TMEM185A: variants seen among roughly 807,000 people sequenced by gnomAD.
TMEM185A encodes family with sequence similarity 11, member A.
TMEM185A carries 9 observed loss-of-function variants against 25.0 expected under a neutral mutation model. That is an observed-to-expected ratio of 0.36 (90% CI 0.22 to 0.63). The LOEUF (loss-of-function observed/expected upper bound fraction) is 0.63. Among genes scored for constraint, TMEM185A ranks in the 20% least tolerant of loss-of-function variants. The probability of loss-of-function intolerance (pLI) is 0.68; values close to 1 mark genes in which losing one functional copy is unlikely to be tolerated. For missense variants in TMEM185A, 103 were observed against 237.4 expected (o/e 0.43, Z 3.72); for synonymous variants, 45 against 93.5 (o/e 0.48, Z 2.99).
chrX:149,606,195 A>G (rs1557353461), intron 3 of TMEM185A, among the ~76,000 whole-genome samples: 1 of 111,902 alleles, frequency 8.9e-6, no homozygotes, highest in Non-Finnish European at 1.9e-5. Context: ...AGGTGCTCCC[A>G]CTCGTTACCT....
rs1210075716 is a variant in TMEM185A, at chrX:149,631,732, C to CCGT, written c.-155_-153dup. On this transcript the variant is annotated 5_prime_UTR_variant, in exon 1 of 7. Coordinates refer to ENST00000600449, the MANE Select transcript of TMEM185A (RefSeq NM_032508.4). ...GCCGTCCCCGCTGCCGTCGCCGTCG[C>CCGT]CGTCGCCGCCGCCGCCGCCGCCGCC... is the stretch of plus-strand genomic sequence containing the variant. The CCGT allele has an allele frequency of 1.3e-3, 521 of 397,236 alleles. 1 individual carries two copies. The highest frequency in any genetic ancestry group is 1.6e-3 in the Non-Finnish European group (458 of 281,079). The allele number at this position is 397,236 out of a possible 1,213,427, so 32.7% of individuals were successfully genotyped here.
chrX:149,611,998 C>T (rs1557354563), intron 1 of TMEM185A, among the ~76,000 whole-genome samples: 1 of 112,422 alleles, frequency 8.9e-6, no homozygotes, highest in African/African-American at 3.2e-5. Flanking sequence ...ATGGCATGAA[C>T]ATTTTAGTGT....
At chrX:149,603,944 T>C (rs1557352849) in intron 4 of TMEM185A, 43 bp downstream of exon 4, 1 of 1,090,725 alleles carries the variant, frequency 9.2e-7, no homozygotes, top group Admixed American at 2.4e-5. Context: ...ATTACTTTTA[T>C]AATAAAAAAG....
rs1307455607 is a variant in TMEM185A at position 149,611,364 on chromosome X, T to C, written c.138A>G (p.Pro46=). Residue 46 remains proline, a synonymous_variant, in exon 2 of 7, where the codon CCA becomes CCG. Transcript: ENST00000600449. ...IQWSYWAVFA[P]IWLWKLMVIV... Reference sequence around the variant, plus strand: ...TGACCATTAACTTCCACAGCCATATTGGAGCAAAGACAGCCCAGTAACTCC... The same window carrying C: ...TGACCATTAACTTCCACAGCCATATCGGAGCAAAGACAGCCCAGTAACTCC... The C allele has an allele frequency of 1.7e-6, 2 of 1,209,954 alleles. No homozygotes were observed. Among genetic ancestry groups the C allele is most frequent in the Non-Finnish European group, 2.2e-6 (2 of 895,188 alleles).
chrX:149,608,302 C>T (rs941074910), intron 3 of TMEM185A, among the ~76,000 whole-genome samples: 1 of 110,520 alleles, frequency 9.0e-6, no homozygotes, highest in Non-Finnish European at 1.9e-5. Flanking sequence ...ATCTGAATAA[C>T]TGAGCAAAAT....
Position 149,611,604 on chromosome X carries a change from G to C in TMEM185A, c.39-141C>G, listed in dbSNP as rs2090084218. 5.6e-6 allele frequency: 3 copies of C among 532,583 alleles called. No individual in the cohort carries two copies. In the East Asian group the frequency reaches 1.1e-4, roughly 19 times the overall value. The allele number at this position is 532,583 out of a possible 1,213,427, so 43.9% of individuals were successfully genotyped here. The stretch of plus-strand genomic sequence containing the variant: ...ATCATTTATTGAAAAGGTCTATGGG[G>C]CAGACATAATGTGTTGGGAATAAAA... On this transcript the variant is annotated intron_variant, in intron 1 of 6. Transcript: ENST00000600449.
chrX:149,605,022 A>AACAC (rs782236047), intron 3 of TMEM185A: 2 of 111,741 alleles, frequency 1.8e-5, no homozygotes, highest in Non-Finnish European at 3.8e-5. Context: ...CAGACACACA[A>AACAC]ACACACATAT....
At chrX:149,619,623 G>C (rs1392977496) in intron 1 of TMEM185A, among the ~76,000 whole-genome samples, 2 of 109,082 alleles carry the variant, frequency 1.8e-5, no homozygotes. Flanking sequence ...CTTAGCATTA[G>C]GTATATCTCC....
intron 2 of TMEM185A, among the ~76,000 whole-genome samples, chrX:149,610,909 G>A (rs1557354418): frequency 8.9e-6 from 1 of 112,099 alleles, no homozygotes; most frequent in African/African-American, 3.2e-5. Flanking sequence ...GACAAGGGGA[G>A]CCCCAGTTCC....
At chrX:149,619,589 T>C (rs2090129153) in intron 1 of TMEM185A, among the ~76,000 whole-genome samples, 1 of 109,556 alleles carries the variant, frequency 9.1e-6, no homozygotes, top group Non-Finnish European at 1.9e-5. Context: ...GCCATGCTGG[T>C]GTGCTGCACC....
At chrX:149,602,956 T>G (rs999686177) in intron 4 of TMEM185A, among the ~76,000 whole-genome samples, 3 of 112,487 alleles carry the variant, frequency 2.7e-5, no homozygotes, top group Admixed American at 9.4e-5. Context: ...ACTTTTCACT[T>G]TTTAAGGGTA....
intron 1 of TMEM185A, among the ~76,000 whole-genome samples, chrX:149,613,624 T>C (rs1244971935): frequency 8.9e-6 from 1 of 112,448 alleles, no homozygotes; most frequent in South Asian, 3.7e-4. Context: ...CCATCTGAGT[T>C]GTGCTGTACC....
intron 1 of TMEM185A, among the ~76,000 whole-genome samples, chrX:149,619,746 T>C (rs1389633134): frequency 4.7e-5 from 5 of 106,180 alleles, no homozygotes; most frequent in African/African-American, 1.7e-4. Context: ...AGTGAGAACA[T>C]GTGGTGTTTG....
chrX:149,623,891 A>G (rs2090151413), intron 1 of TMEM185A, among the ~76,000 whole-genome samples: 1 of 112,602 alleles, frequency 8.9e-6, no homozygotes, highest in Non-Finnish European at 1.9e-5. Flanking sequence ...CTATATCAAT[A>G]TATTTGCAAG....
intron 2 of TMEM185A, among the ~76,000 whole-genome samples, chrX:149,609,352 C>A (rs2090069499): frequency 8.9e-6 from 1 of 112,759 alleles, no homozygotes; most frequent in Admixed American, 9.3e-5. Flanking sequence ...ATAGTAGTAA[C>A]TATTGTTAGG....
At position 149,631,735 on chromosome X, in the gene TMEM185A, T is replaced by TCGCCGTCGCCGTCGCCGCCGCCGCCGC. The variant is rs1557356767; in HGVS notation, c.-156_-155insGCGGCGGCGGCGGCGACGGCGACGGCG. The TCGCCGTCGCCGTCGCCGCCGCCGCCGC allele has an allele frequency of 3.1e-6, 1 of 327,457 alleles. No individual in the cohort carries two copies. Among genetic ancestry groups the TCGCCGTCGCCGTCGCCGCCGCCGCCGC allele is most frequent in the Non-Finnish European group, 4.9e-6 (1 of 204,604 alleles). The allele number at this position is 327,457 out of a possible 1,213,427, so 27.0% of individuals were successfully genotyped here. A position where few individuals can be genotyped will look rare whatever the true frequency, so the allele number is the denominator to read the frequency against. ...GTCCCCGCTGCCGTCGCCGTCGCCG[T>TCGCCGTCGCCGTCGCCGCCGCCGCCGC]CGCCGCCGCCGCCGCCGCCGCCGCC... On this transcript the variant is annotated 5_prime_UTR_variant, in exon 1 of 7. Transcript: ENST00000600449.
At chrX:149,631,186 G>C (rs934459797) in intron 1 of TMEM185A, among the ~76,000 whole-genome samples, 2 of 110,053 alleles carry the variant, frequency 1.8e-5, no homozygotes, top group Non-Finnish European at 3.8e-5. Flanking sequence ...GCGGAGAATG[G>C]AGGGCCCGCA....
At chrX:149,604,177 CT>C in intron 3 of TMEM185A, 107 bp from the exon 4 acceptor site, 1 of 517,034 alleles carries the variant, frequency 1.9e-6, no homozygotes, top group Non-Finnish European at 3.2e-6. Context: ...TACAGTGTAA[CT>C]TGTATAATAT....
At chrX:149,621,238 T>C (rs1014313512) in intron 1 of TMEM185A, among the ~76,000 whole-genome samples, 2 of 110,641 alleles carry the variant, frequency 1.8e-5, no homozygotes, top group Non-Finnish European at 3.8e-5. Context: ...GGGTGGTAAA[T>C]GCTGTAAGCT....
Sources: allele counts gnomAD v4.1 joint callset (sites outside exome capture counted in the v4.1 genomes callset), GRCh38; gene constraint gnomAD v4.1.1; transcripts MANE v1.5; gene names NCBI Gene and HGNC (gene_info 2026-07-23, HGNC 2026-07-21).